Variants in ABTB3 observed in about 807,000 individuals in gnomAD.
ABTB3 encodes ankyrin repeat- and BTB/POZ domain-containing protein 3.
At chr12:107,374,251 T>C in the ABTB3 span, among the ~76,000 whole-genome samples, 1 of 152,196 alleles carries the variant, frequency 6.6e-6, no homozygotes, top group African/African-American at 2.4e-5. Flanking sequence ...TTCCTTTTTC[T>C]ACTTCCTACA....
the ABTB3 span, among the ~76,000 whole-genome samples, chr12:107,439,729 T>A: frequency 3.3e-5 from 5 of 152,184 alleles, no homozygotes; most frequent in African/African-American, 1.2e-4. Flanking sequence ...AACATATACA[T>A]CTCAATGAGT....
the ABTB3 span, among the ~76,000 whole-genome samples, chr12:107,420,337 C>T: frequency 1.2e-4 from 19 of 152,174 alleles, no homozygotes; most frequent in African/African-American, 2.4e-4. Flanking sequence ...ATAAAGAAAT[C>T]GAGGTTTAAT....
the ABTB3 span, among the ~76,000 whole-genome samples, chr12:107,394,687 T>C: frequency 6.6e-6 from 1 of 152,248 alleles, no homozygotes; most frequent in Non-Finnish European, 1.5e-5. Context: ...AATATTTTCC[T>C]CAAAGGGTTG....
the ABTB3 span, among the ~76,000 whole-genome samples, chr12:107,565,825 C>A: frequency 6.6e-6 from 1 of 152,178 alleles, no homozygotes; most frequent in East Asian, 1.9e-4. Context: ...GTCCCCTTTC[C>A]ATCTCACCAG....
the ABTB3 span, among the ~76,000 whole-genome samples, chr12:107,453,777 G>A: frequency 2.0e-5 from 3 of 152,210 alleles, no homozygotes; most frequent in African/African-American, 7.2e-5. Context: ...AGACAAGAAG[G>A]GATGGTGGCC....
chr12:107,571,471 T>C, the ABTB3 span, among the ~76,000 whole-genome samples: 6 of 152,246 alleles, frequency 3.9e-5, no homozygotes, highest in Admixed American at 3.9e-4. Flanking sequence ...CAGGCCCACA[T>C]GGCCCCTAGG....
the ABTB3 span, among the ~76,000 whole-genome samples, chr12:107,483,276 C>T: frequency 1.3e-5 from 2 of 152,102 alleles, no homozygotes; most frequent in East Asian, 1.9e-4. Context: ...CTCTTGGACT[C>T]AAGCGATCTG....
At chr12:107,538,723 G>C in the ABTB3 span, among the ~76,000 whole-genome samples, 1 of 152,078 alleles carries the variant, frequency 6.6e-6, no homozygotes, top group African/African-American at 2.4e-5. Context: ...CAGCCACCCC[G>C]CTGTCCTCCA....
At chr12:107,391,138 G>T in the ABTB3 span, among the ~76,000 whole-genome samples, 2 of 152,168 alleles carry the variant, frequency 1.3e-5, no homozygotes, top group Non-Finnish European at 2.9e-5. Flanking sequence ...GTGACAGAGC[G>T]AGACTCCGCC....
At chr12:107,385,271 A>G in the ABTB3 span, among the ~76,000 whole-genome samples, 1 of 152,212 alleles carries the variant, frequency 6.6e-6, no homozygotes, top group Non-Finnish European at 1.5e-5. Flanking sequence ...TGGGCTGGAC[A>G]TAGACAAGTC....
the ABTB3 span, among the ~76,000 whole-genome samples, chr12:107,432,872 T>C: frequency 6.6e-6 from 1 of 152,180 alleles, no homozygotes; most frequent in African/African-American, 2.4e-5. Flanking sequence ...TATGCTCTGG[T>C]TGATCATTCT....
chr12:107,477,568 G>A, the ABTB3 span, among the ~76,000 whole-genome samples: 5 of 152,218 alleles, frequency 3.3e-5, no homozygotes, highest in South Asian at 1.0e-3. Context: ...CATATAGGTG[G>A]ACCTGGAATT....
At chr12:107,610,523 T>A in the ABTB3 span, 13 of 673,996 alleles carry the variant, frequency 1.9e-5, no homozygotes, top group Non-Finnish European at 3.1e-5. Context: ...TTTTAAAATA[T>A]CTTATAAAAA....
At chr12:107,497,372 T>C in the ABTB3 span, among the ~76,000 whole-genome samples, 5 of 149,546 alleles carry the variant, frequency 3.3e-5, no homozygotes, top group Admixed American at 6.7e-5. Context: ...ATCATCACCA[T>C]CGCCACCATC....
the ABTB3 span, chr12:107,618,091 C>T: frequency 2.7e-6 from 4 of 1,506,568 alleles, no homozygotes; most frequent in Non-Finnish European, 3.6e-6. Flanking sequence ...CCAGCCTGCC[C>T]CTGCCCTGCC....
the ABTB3 span, among the ~76,000 whole-genome samples, chr12:107,327,061 T>G: frequency 6.6e-6 from 1 of 152,224 alleles, no homozygotes; most frequent in Non-Finnish European, 1.5e-5. Flanking sequence ...CTCTAAATCT[T>G]TTGTGACCTA....
the ABTB3 span, among the ~76,000 whole-genome samples, chr12:107,562,436 G>A: frequency 6.6e-6 from 1 of 152,202 alleles, no homozygotes; most frequent in East Asian, 1.9e-4. Flanking sequence ...GAAAGATATT[G>A]CCAGGCAGAG....
At chr12:107,581,123 G>A in the ABTB3 span, 36 of 1,546,224 alleles carry the variant, frequency 2.3e-5, no homozygotes, top group Admixed American at 1.2e-4. Context: ...GCCCTAACGC[G>A]CGTCTCCGGG....
chr12:107,515,931 AG>A, the ABTB3 span, among the ~76,000 whole-genome samples: 1 of 152,084 alleles, frequency 6.6e-6, no homozygotes, highest in Non-Finnish European at 1.5e-5. Flanking sequence ...CTAAGATGGA[AG>A]AGAAGTGAAA....
Sources: allele counts gnomAD v4.1 joint callset (sites outside exome capture counted in the v4.1 genomes callset), GRCh38; gene constraint gnomAD v4.1.1; transcripts MANE v1.5; gene names NCBI Gene and HGNC (gene_info 2026-07-23, HGNC 2026-07-21).